XRN1: variants seen among roughly 807,000 people sequenced by gnomAD.
XRN1 encodes the protein strand-exchange protein 1 homolog.
XRN1 carries 67 observed loss-of-function variants against 222.3 expected under a neutral mutation model. The ratio of observed to expected loss-of-function variants is 0.30; its 90% confidence interval spans 0.25 to 0.37. The LOEUF is 0.37. XRN1 is among the 10% of genes least tolerant of loss of function. XRN1 has a pLI of 1.00. For synonymous variants in XRN1, 643 were observed against 652.4 expected (o/e 0.99, Z 0.22); for missense variants, 1,707 against 2,000.2 (o/e 0.85, Z 2.80).
chr3:142,376,589 A>G lies in XRN1; in HGVS notation c.2721T>C (p.Tyr907=), dbSNP rs918708202. 4 of 1,600,122 alleles carry G rather than the reference A, an allele frequency of 2.5e-6. No individual in the cohort carries two copies. Among genetic ancestry groups the G allele is most frequent in the Non-Finnish European group, 3.4e-6 (4 of 1,172,560 alleles). Residue 907 remains tyrosine (Y), a synonymous_variant, in exon 24 of 41, where the codon TAT becomes TAC. Coordinates refer to ENST00000392981, the MANE Select transcript of XRN1 (RefSeq NM_001282857.2). Reference sequence around the variant, plus strand: ...CATATCCTGGGTTGTACTTTATAGAATATTTCTTTAAATATAAAAACAAAA... The same window carrying G: ...CATATCCTGGGTTGTACTTTATAGAGTATTTCTTTAAATATAAAAACAAAA... ...LDALIQNQHK[Y]SIKYNPGYVL...
Position 142,425,465 on chromosome 3 carries a change from T to C in XRN1, c.480A>G (p.Ser160=). ...AGAAGTAGATGGTAACTCCTTGCCA[T>C]GACTTGTCTGTGGAAATTTTCATAT... ...FVNMKISTDK[S]WQGVTIYFSG... is the part of the protein sequence containing the mutation. Residue 160 remains serine (S), a synonymous_variant, in exon 4 of 41, where the codon TCA becomes TCG. Coordinates refer to ENST00000392981, the MANE Select transcript of XRN1 (RefSeq NM_001282857.2). 1 of 1,613,522 alleles carries C rather than the reference T, an allele frequency of 6.2e-7. No individual in the cohort carries two copies. The highest frequency in any genetic ancestry group is 8.5e-7 in the Non-Finnish European group (1 of 1,179,678).
chr3:142,438,994 C>T (rs1242752064), intron 1 of XRN1, among the ~76,000 whole-genome samples: 1 of 151,870 alleles, frequency 6.6e-6, no homozygotes, highest in African/African-American at 2.4e-5. Flanking sequence ...AAACAATGAA[C>T]CAGAGTGCCA....
At chr3:142,416,542 A>G (rs1044548755) in intron 13 of XRN1, among the ~76,000 whole-genome samples, 1 of 152,244 alleles carries the variant, frequency 6.6e-6, no homozygotes, top group Non-Finnish European at 1.5e-5. Flanking sequence ...TGTAAAGAGA[A>G]TATAATGAAC....
At position 142,447,947 on chromosome 3, in the gene XRN1, C is replaced by A. The variant is rs757170186; in HGVS notation, c.-3G>T. The stretch of plus-strand genomic sequence containing the variant: ...CTGTAAAACTTGGGGACTCCCATTT[C>A]GATCGTCAACACTAATCCCAGTCAG... On this transcript the variant is annotated 5_prime_UTR_variant, in exon 1 of 41. Coordinates refer to ENST00000392981, the MANE Select transcript of XRN1 (RefSeq NM_001282857.2). The surrounding 1 kb of genome is among the most constrained non-coding windows in gnomAD (Gnocchi z 4.2). The A allele has an allele frequency of 5.6e-6, 9 of 1,613,922 alleles. No individual in the cohort carries two copies. The South Asian group carries it at 9.9e-5, about 18-fold the overall frequency.
At position 142,423,540 on chromosome 3, in the gene XRN1, A is replaced by G. The variant is rs757301501; in HGVS notation, c.710+20T>C. ...CCAGGCGTAATTTCTTTCTTCCAAC[A>G]TATATGCTATATAATTTACCGTTGT... On this transcript the variant is annotated intron_variant, in intron 6 of 40. Transcript: ENST00000392981. 3 of 1,567,840 alleles carry G rather than the reference A, an allele frequency of 1.9e-6. No homozygotes were observed. Among genetic ancestry groups the G allele is most frequent in the African/African-American group, 1.4e-5 (1 of 72,562 alleles).
chr3:142,423,685 T>C lies in XRN1; in HGVS notation c.628-43A>G, dbSNP rs201135480. 1.2e-4 allele frequency: 176 copies of C among 1,472,012 alleles called. 1 individual carries two copies. Among genetic ancestry groups the C allele is most frequent in the Non-Finnish European group, 1.5e-4 (165 of 1,092,464 alleles). The allele number at this position is 1,472,012 out of a possible 1,614,324, so 91.2% of individuals were successfully genotyped here. A position where few individuals can be genotyped will look rare whatever the true frequency, so the allele number is the denominator to read the frequency against. Reference sequence around the variant, plus strand: ...AGAAATGTTTTTATTCTCCCATTTTTAATAATATTAGGTTCACAAAAGCAA... The same window carrying C: ...AGAAATGTTTTTATTCTCCCATTTTCAATAATATTAGGTTCACAAAAGCAA... On this transcript the variant is annotated intron_variant, in intron 5 of 40. Coordinates refer to ENST00000392981, the MANE Select transcript of XRN1 (RefSeq NM_001282857.2).
At chr3:142,441,680 C>T (rs2070220881) in intron 1 of XRN1, among the ~76,000 whole-genome samples, 2 of 152,196 alleles carry the variant, frequency 1.3e-5, no homozygotes, top group African/African-American at 2.4e-5. Context: ...AGACTTGTGG[C>T]TCTCAGACAA....
At chr3:142,383,438 C>A in intron 21 of XRN1, 25 bp from the exon 22 acceptor site, 1 of 1,574,594 alleles carries the variant, frequency 6.4e-7, no homozygotes, top group Non-Finnish European at 8.7e-7. Context: ...AGTAAATAAT[C>A]TTAGTCATAA....
chr3:142,387,701 A>G (rs2067559051), intron 20 of XRN1, among the ~76,000 whole-genome samples: 2 of 152,186 alleles, frequency 1.3e-5, no homozygotes. Context: ...ACCAAGTCTC[A>G]CGTTGAAATC....
chr3:142,412,695 A>G (rs1452065320), intron 14 of XRN1, 32 bp from the exon 15 acceptor site: 1 of 1,396,340 alleles, frequency 7.2e-7, no homozygotes, highest in Non-Finnish European at 9.7e-7. Context: ...TAATAGAAAT[A>G]TAAGAACTAA....
At position 142,309,709 on chromosome 3, in the gene XRN1, G is replaced by T. The variant is rs1356546664; in HGVS notation, c.*1802C>A. 1 of 152,200 alleles carries T rather than the reference G, an allele frequency of 6.6e-6. No homozygotes were observed. The highest frequency in any genetic ancestry group is 6.5e-5 in the Admixed American group (1 of 15,280). The allele number at this position is 152,200 out of a possible 1,614,324, so 9.4% of individuals were successfully genotyped here. ...TGAGCTGCATGCTATTTATATAACT[G>T]TCACACAGGAGTAATGAGTGAGGCA... On this transcript the variant is annotated 3_prime_UTR_variant, in exon 41 of 41. Transcript: ENST00000392981.
chr3:142,425,426 A>T lies in XRN1; in HGVS notation c.516+3T>A. 1 of 1,604,000 alleles carries T rather than the reference A, an allele frequency of 6.2e-7. No homozygotes were observed. Among genetic ancestry groups the T allele is most frequent in the Non-Finnish European group, 8.5e-7 (1 of 1,175,208 alleles). On this transcript the variant is annotated splice_donor_region_variant and intron_variant, in intron 4 of 40. Coordinates refer to ENST00000392981, the MANE Select transcript of XRN1 (RefSeq NM_001282857.2). Reference sequence around the variant, plus strand: ...AACTCTTTAAATAAAAAAAGATAATAACCTCATGGCCTGAGAAGTAGATGG... The same window carrying T: ...AACTCTTTAAATAAAAAAAGATAATTACCTCATGGCCTGAGAAGTAGATGG...
chr3:142,329,598 G>T lies in XRN1; in HGVS notation c.4240C>A (p.Pro1414Thr). 6.5e-7 allele frequency: 1 copy of T among 1,544,018 alleles called. No individual in the cohort carries two copies. Among genetic ancestry groups the T allele is most frequent in the Non-Finnish European group, 8.7e-7 (1 of 1,155,058 alleles). ...TTATGGTACTCATTAGCACTGTGAG[G>T]CTTGTTCATATAAGATGCTACCAAA... ...NKKLASYMNK[P>T]HSANEYHNVQ... The change falls in exon 37 of 41, where the codon CCT (proline) becomes ACT (threonine). Residue 1414 changes from proline to threonine, a missense_variant. Physicochemically the swap from Pro to Thr is conservative, Grantham distance 38. Around this residue, in one of 2 missense-constraint regions of XRN1, gnomAD observed 473 missense variants for 482.0 expected, o/e 0.98. Transcript: ENST00000392981.
At chr3:142,402,246 G>A (rs932772440) in intron 18 of XRN1, among the ~76,000 whole-genome samples, 1 of 151,802 alleles carries the variant, frequency 6.6e-6, no homozygotes, top group African/African-American at 2.4e-5. Context: ...GCAGTGGCGC[G>A]ATTTTGGCTC....
At chr3:142,440,228 A>G (rs1325295378) in intron 1 of XRN1, among the ~76,000 whole-genome samples, 9 of 152,106 alleles carry the variant, frequency 5.9e-5, no homozygotes, top group Non-Finnish European at 1.2e-4. Flanking sequence ...TAGGACAGCC[A>G]GTCACTAGAT....
intron 1 of XRN1, among the ~76,000 whole-genome samples, chr3:142,439,024 C>A (rs1384392193): frequency 6.6e-6 from 1 of 152,062 alleles, no homozygotes; most frequent in Admixed American, 6.6e-5. Context: ...GATTATGCCC[C>A]CTCCAAGCAG....
chr3:142,312,689 C>T lies in XRN1; in HGVS notation c.4691G>A (p.Gly1564Glu). 1 of 1,613,874 alleles carries T rather than the reference C, an allele frequency of 6.2e-7. No individual in the cohort carries two copies. Among genetic ancestry groups the T allele is most frequent in the Non-Finnish European group, 8.5e-7 (1 of 1,179,806 alleles). ...ATATAAAGTATGATGGAAGGGCTTC[C>T]CAGGAACTGGCACCGATGGTCCCCA... ...MPWGPSVPVP[G>E]KPFHHTLYSG... is the part of the protein sequence containing the mutation. Residue 1564 changes from glycine to glutamate, a missense_variant, in exon 40 of 41, where the codon GGG (glycine) becomes GAG (glutamate). Physicochemically the swap from Gly to Glu is moderately conservative, Grantham distance 98 (BLOSUM62 -2). Coordinates refer to ENST00000392981, the MANE Select transcript of XRN1 (RefSeq NM_001282857.2).
intron 15 of XRN1, among the ~76,000 whole-genome samples, chr3:142,408,788 C>T (rs1198016267): frequency 6.6e-6 from 1 of 152,182 alleles, no homozygotes; most frequent in Admixed American, 6.5e-5. Flanking sequence ...ATGAAAAGTG[C>T]TTTTATCCAT....
At chr3:142,335,325 G>T in intron 34 of XRN1, 123 bp downstream of exon 34, 1 of 853,072 alleles carries the variant, frequency 1.2e-6, no homozygotes, top group Non-Finnish European at 1.9e-6. Flanking sequence ...TAACTTCAGT[G>T]ACCCTCTGGC....
Sources: allele counts gnomAD v4.1 joint callset (sites outside exome capture counted in the v4.1 genomes callset), GRCh38; gene constraint gnomAD v4.1.1; regional missense constraint gnomAD v4.1.1; non-coding constraint Gnocchi (gnomAD v3.1); transcripts MANE v1.5; gene names NCBI Gene and HGNC (gene_info 2026-07-23, HGNC 2026-07-21).